The following EYS variants were observed in gnomAD, a reference collection of about 807,000 sequenced individuals.
EYS encodes the protein EGF-like photoreceptor maintenance factor.
In EYS, 250 loss-of-function variants were observed where a neutral mutation model predicts 282.1. The ratio of observed to expected loss-of-function variants is 0.89; its 90% CI spans 0.80 to 0.98. The LOEUF (loss-of-function observed/expected upper bound fraction) is 0.98. Ranked by LOEUF, EYS falls within the 50% of genes least tolerant of loss-of-function variation. The probability of loss-of-function intolerance (pLI) is 0.00; values close to 1 mark genes in which losing one functional copy is unlikely to be tolerated. For synonymous variants in EYS, 1,355 were observed against 1,282.9 expected (o/e 1.06, Z -1.20); for missense variants, 4,016 against 3,709.0 (o/e 1.08, Z -2.15).
intron 26 of EYS, among the ~76,000 whole-genome samples, chr6:64,507,482 A>AG (rs1562031779): frequency 6.6e-6 from 1 of 152,236 alleles, no homozygotes; most frequent in Non-Finnish European, 1.5e-5. Context: ...GTAACATAGA[A>AG]GGGGCTATTC....
intron 22 of EYS, among the ~76,000 whole-genome samples, chr6:64,706,811 A>G (rs2149930310): frequency 6.6e-6 from 1 of 152,268 alleles, no homozygotes; most frequent in East Asian, 1.9e-4. Context: ...AAATCAAAAA[A>G]TAATACATCT....
intron 29 of EYS, among the ~76,000 whole-genome samples, chr6:64,375,448 G>C (rs984165239): frequency 6.6e-6 from 1 of 152,242 alleles, no homozygotes; most frequent in African/African-American, 2.4e-5. Context: ...CTAAATGAAA[G>C]GGTGGTAATA....
chr6:65,485,633 C>T (rs926400047), intron 5 of EYS, among the ~76,000 whole-genome samples: 2 of 152,132 alleles, frequency 1.3e-5, no homozygotes, highest in East Asian at 1.9e-4. Flanking sequence ...GGCGAAATCC[C>T]GTCACTACTA....
intron 30 of EYS, among the ~76,000 whole-genome samples, chr6:64,296,577 TATATATACA>T (rs1769015649): frequency 1.2e-4 from 1 of 8,290 alleles, no homozygotes; most frequent in African/African-American, 3.3e-4. Flanking sequence ...TATATATATA[TATATATACA>T]TATATATATA....
intron 35 of EYS, among the ~76,000 whole-genome samples, chr6:63,894,702 C>A (rs1180755345): frequency 6.6e-6 from 1 of 152,034 alleles, no homozygotes; most frequent in Non-Finnish European, 1.5e-5. Context: ...CTGCCTCAGC[C>A]TCCCATGTAG....
chr6:64,648,317 A>C (rs914736382), intron 22 of EYS, among the ~76,000 whole-genome samples: 2 of 152,198 alleles, frequency 1.3e-5, no homozygotes, highest in Non-Finnish European at 2.9e-5. Flanking sequence ...CAGAAAAAGA[A>C]CATCAAGAAA....
intron 33 of EYS, among the ~76,000 whole-genome samples, chr6:64,000,402 A>G (rs1025716791): frequency 1.3e-5 from 2 of 150,920 alleles, no homozygotes; most frequent in Non-Finnish European, 1.5e-5. Flanking sequence ...AGTGTGAGCC[A>G]GGATGGTCTC....
chr6:63,797,216 GT>G (rs902102815), intron 37 of EYS: 5 of 152,152 alleles, frequency 3.3e-5, no homozygotes, highest in Non-Finnish European at 7.3e-5. Flanking sequence ...GGTATATTCA[GT>G]TTTTAGGAAG....
intron 15 of EYS, among the ~76,000 whole-genome samples, chr6:64,921,954 A>T (rs771821646): frequency 9.9e-5 from 15 of 152,072 alleles, no homozygotes; most frequent in Non-Finnish European, 1.8e-4. Context: ...AAAAATTTTA[A>T]AAAACAAGAA....
chr6:65,704,148 T>C (rs1284537444), intron 1 of EYS, among the ~76,000 whole-genome samples: 2 of 152,246 alleles, frequency 1.3e-5, no homozygotes, highest in Non-Finnish European at 2.9e-5. Flanking sequence ...CTTTGAACTT[T>C]CTTTGTGTAA....
rs1308377132 is a variant in EYS, at chr6:65,620,637, G to A, written c.-333+19141C>T. 7.3e-5 allele frequency among the ~76,000 whole-genome samples: 11 copies of A among 150,206 alleles called. No homozygotes were observed. In the East Asian group the frequency reaches 2.1e-3, roughly 29 times the overall value. ...TCTTGCTTTTCTAGTTCTTTTAATT[G>A]TGATGTTAGGGTGTCAATTTTGGAT... On this transcript the variant is annotated intron_variant, in intron 2 of 42. Coordinates refer to ENST00000503581, the MANE Select transcript of EYS (RefSeq NM_001142800.2).
chr6:63,864,103 C>T, intron 36 of EYS, 83 bp downstream of exon 36: 1 of 1,250,920 alleles, frequency 8.0e-7, no homozygotes, highest in East Asian at 2.7e-5. Context: ...CAGTCAAGTG[C>T]TATCCTTGAT....
At chr6:64,653,626 G>T (rs190700614) in intron 22 of EYS, among the ~76,000 whole-genome samples, 1 of 151,970 alleles carries the variant, frequency 6.6e-6, no homozygotes, top group South Asian at 2.1e-4. Context: ...AGGCAGTGGC[G>T]TGACTGTGGC....
At chr6:65,328,987 T>C (rs773771772) in intron 11 of EYS, among the ~76,000 whole-genome samples, 34 of 151,122 alleles carry the variant, frequency 2.2e-4, no homozygotes, top group Non-Finnish European at 3.9e-4. Flanking sequence ...AAACTCCAAG[T>C]CTTAGAAAAT....
intron 35 of EYS, among the ~76,000 whole-genome samples, chr6:63,879,628 A>G (rs1457373942): frequency 1.3e-5 from 2 of 152,224 alleles, no homozygotes; most frequent in East Asian, 3.8e-4. Context: ...ATTACCACGC[A>G]TGAAATAGCT....
At chr6:65,444,852 G>T (rs2150397099) in intron 5 of EYS, among the ~76,000 whole-genome samples, 1 of 152,108 alleles carries the variant, frequency 6.6e-6, no homozygotes, top group South Asian at 2.1e-4. Flanking sequence ...TTAGATGCTA[G>T]AAGCAGGACC....
At chr6:65,702,721 TAATAA>T (rs1342760693) in intron 1 of EYS, among the ~76,000 whole-genome samples, 6 of 151,376 alleles carry the variant, frequency 4.0e-5, no homozygotes, top group African/African-American at 1.5e-4. Context: ...AATAAATAAA[TAATAA>T]AATAAAATAT....
intron 22 of EYS, among the ~76,000 whole-genome samples, chr6:64,744,985 T>G (rs971440138): frequency 3.3e-5 from 5 of 152,124 alleles, no homozygotes; most frequent in Non-Finnish European, 5.9e-5. Flanking sequence ...TATATTTTCT[T>G]ACTTCTCTAA....
Position 65,346,608 on chromosome 6 carries a change from A to G in EYS, c.1460-2431T>C, listed in dbSNP as rs143660469. On this transcript the variant is annotated intron_variant, in intron 9 of 42. Transcript: ENST00000503581. ...AAATTATGAGAAAACGAGGGGATCA[A>G]TTTAGGAGATGTGATACCCAATTTT... 3.0e-3 allele frequency among the ~76,000 whole-genome samples: 452 copies of G among 151,820 alleles called. 2 individuals carry two copies. The highest frequency in any genetic ancestry group is 4.5e-3 in the Non-Finnish European group (308 of 67,842).
Sources: allele counts gnomAD v4.1 joint callset (sites outside exome capture counted in the v4.1 genomes callset), GRCh38; gene constraint gnomAD v4.1.1; transcripts MANE v1.5; gene names NCBI Gene and HGNC (gene_info 2026-07-23, HGNC 2026-07-21).